The following OR51B5 variants were observed in gnomAD, a reference collection of about 807,000 sequenced individuals.
OR51B5 encodes the protein olfactory receptor family 51 subfamily B member 5.
For missense variants in OR51B5, 456 were observed against 374.6 expected (o/e 1.22, Z -1.79); for synonymous variants, 186 against 144.8 (o/e 1.28, Z -2.04).
At chr11:5,499,939 A>G (rs1032201168) in intron 1 of OR51B5, among the ~76,000 whole-genome samples, 2 of 152,220 alleles carry the variant, frequency 1.3e-5, no homozygotes, top group African/African-American at 4.8e-5. Flanking sequence ...TAATGAGAAC[A>G]TGGAATATGT....
intron 1 of OR51B5, among the ~76,000 whole-genome samples, chr11:5,477,301 T>A (rs1217658487): frequency 6.6e-6 from 1 of 152,060 alleles, no homozygotes; most frequent in African/African-American, 2.4e-5. Context: ...GAAACACTTA[T>A]CCCTTGAGAT....
chr11:5,475,498 T>C (rs1469703039), intron 1 of OR51B5, among the ~76,000 whole-genome samples: 2 of 152,148 alleles, frequency 1.3e-5, no homozygotes, highest in South Asian at 2.1e-4. Context: ...CAACTCTTGG[T>C]GGATATTAAA....
intron 1 of OR51B5, among the ~76,000 whole-genome samples, chr11:5,350,664 A>C (rs1849065966): frequency 6.6e-6 from 1 of 152,216 alleles, no homozygotes; most frequent in Non-Finnish European, 1.5e-5. Flanking sequence ...GTGATATGCA[A>C]CAGTAGTTTG....
chr11:5,437,482 TTAC>T (rs1204832156), intron 1 of OR51B5, among the ~76,000 whole-genome samples: 7 of 152,318 alleles, frequency 4.6e-5, no homozygotes, highest in South Asian at 4.1e-4. Flanking sequence ...GTCTGCCAAG[TTAC>T]TACAAGTTAA....
chr11:5,411,933 G>C (rs1850154588), intron 1 of OR51B5, among the ~76,000 whole-genome samples: 1 of 152,204 alleles, frequency 6.6e-6, no homozygotes, highest in Non-Finnish European at 1.5e-5. Context: ...CTAAAGCCTT[G>C]AGAAAGCAAG....
intron 1 of OR51B5, among the ~76,000 whole-genome samples, chr11:5,479,155 C>T (rs1347422649): frequency 6.7e-6 from 1 of 148,278 alleles, no homozygotes; most frequent in African/African-American, 2.5e-5. Flanking sequence ...AGACTAACAG[C>T]GGATCTCTCG....
At chr11:5,456,115 G>A (rs562195204) in intron 1 of OR51B5, 2 of 152,232 alleles carry the variant, frequency 1.3e-5, no homozygotes, top group African/African-American at 2.4e-5. Context: ...TAGGGAAGCC[G>A]CCAAATGAAA....
intron 1 of OR51B5, among the ~76,000 whole-genome samples, chr11:5,480,008 A>C (rs1460571577): frequency 1.3e-5 from 2 of 150,472 alleles, no homozygotes; most frequent in South Asian, 4.3e-4. Flanking sequence ...TGCACCAAGC[A>C]GACCTAATAG....
chr11:5,355,000 T>C (rs897671147), intron 1 of OR51B5: 1 of 161,102 alleles, frequency 6.2e-6, no homozygotes, highest in African/African-American at 2.4e-5. Context: ...TGATGTGCTC[T>C]GGGAGGATAT....
upstream of OR51B5, among the ~76,000 whole-genome samples, chr11:5,347,882 A>C (rs1304313114): frequency 6.6e-6 from 1 of 152,174 alleles, no homozygotes; most frequent in African/African-American, 2.4e-5. Flanking sequence ...TGTTCCTACC[A>C]GCCAGGCTCA....
At chr11:5,358,753 T>A (rs1445137509) in intron 1 of OR51B5, among the ~76,000 whole-genome samples, 3 of 152,158 alleles carry the variant, frequency 2.0e-5, no homozygotes, top group Non-Finnish European at 4.4e-5. Flanking sequence ...AATAAAATAC[T>A]GGCAAAGCAA....
At chr11:5,395,477 G>C (rs1250494745) in intron 1 of OR51B5, among the ~76,000 whole-genome samples, 1 of 152,040 alleles carries the variant, frequency 6.6e-6, no homozygotes, top group Admixed American at 6.5e-5. Flanking sequence ...TCTGTTGTTA[G>C]GGCTGCTGTT....
chr11:5,408,851 A>T (rs934314900), intron 1 of OR51B5, among the ~76,000 whole-genome samples: 2 of 152,198 alleles, frequency 1.3e-5, no homozygotes, highest in African/African-American at 4.8e-5. Flanking sequence ...TCCTGAAAGC[A>T]TTTAATTCAT....
At chr11:5,457,306 A>T (rs1444399987) in intron 1 of OR51B5, among the ~76,000 whole-genome samples, 2 of 152,204 alleles carry the variant, frequency 1.3e-5, no homozygotes, top group African/African-American at 4.8e-5. Flanking sequence ...TGCAAAGGAC[A>T]TGATTTTGTT....
chr11:5,474,392 G>A (rs148484558), intron 1 of OR51B5, among the ~76,000 whole-genome samples: 169 of 152,232 alleles, frequency 1.1e-3, no homozygotes, highest in Admixed American at 3.5e-3. Context: ...CAAGAGACTT[G>A]AAGGACAACA....
In OR51B5 at chr11:5,489,883, T is replaced by A. The variant is rs183879983; in HGVS notation, n.84+15686A>T. ...AACTCTGAATACCCCAGAAAGGTGA[T>A]AATATTCTCACACTTGTCTTAAAAG... On this transcript the variant is annotated intron_variant and non_coding_transcript_variant, in intron 1 of 4. Coordinates refer to the OR51B5 transcript ENST00000415970. 1.2e-5 allele frequency: 6 copies of A among 514,984 alleles called. No individual in the cohort carries two copies. In the Admixed American group the frequency reaches 1.8e-4, roughly 15 times the overall value. 31.9% of individuals were successfully genotyped at this position (514,984 alleles called of 1,614,324 possible).
intron 1 of OR51B5, among the ~76,000 whole-genome samples, chr11:5,465,130 C>T (rs1217576996): frequency 8.7e-5 from 11 of 126,908 alleles, no homozygotes; most frequent in East Asian, 2.5e-4. Context: ...GGCGTGAACC[C>T]GGGAGGCGGA....
intron 1 of OR51B5, among the ~76,000 whole-genome samples, chr11:5,376,577 A>T (rs1205827602): frequency 1.3e-5 from 2 of 152,186 alleles, no homozygotes; most frequent in Non-Finnish European, 2.9e-5. Context: ...AAGACTAATA[A>T]GAAAAGAGAG....
intron 1 of OR51B5, among the ~76,000 whole-genome samples, chr11:5,404,193 G>C (rs2736523): frequency 0.15 from 21,306 of 145,968 alleles, 2,124 homozygotes; most frequent in African/African-American, 0.27. Flanking sequence ...GGCGGAACTT[G>C]AAGAACTTTT....
Sources: gnomAD v4.1 joint callset for allele counts (sites outside exome capture counted in the v4.1 genomes callset) on GRCh38, gnomAD v4.1.1 for gene constraint, MANE v1.5 for transcripts, NCBI Gene and HGNC (gene_info 2026-07-23, HGNC 2026-07-21) for gene names.